ANK3: variants seen among roughly 807,000 people sequenced by gnomAD.
The protein encoded by ANK3 is ankyrin 3.
A neutral mutation model predicts 370.9 loss-of-function variants in ANK3; 57 were observed. The observed-to-expected ratio is 0.15, with a 90% CI of 0.12 to 0.19. ANK3 has a LOEUF of 0.19. Ranked by LOEUF, ANK3 falls within the 10% of genes least tolerant of loss-of-function variation. ANK3 has a pLI of 1.00. For synonymous variants in ANK3, 1,929 were observed against 1,946.3 expected, an observed-to-expected ratio of 0.99 and a Z score of 0.23; for missense variants, 4,439 against 5,302.1, an observed-to-expected ratio of 0.84 and a Z score of 5.06.
At chr10:60,123,428 C>T (rs564102389) in intron 25 of ANK3, among the ~76,000 whole-genome samples, 24 of 152,234 alleles carry the variant, frequency 1.6e-4, no homozygotes, top group African/African-American at 5.8e-4. Flanking sequence ...CAAACAAGGA[C>T]ACACCCAAAT....
intron 2 of ANK3, among the ~76,000 whole-genome samples, chr10:60,540,275 G>A (rs1288189500): frequency 6.6e-6 from 1 of 151,804 alleles, no homozygotes; most frequent in African/African-American, 2.4e-5. Flanking sequence ...TGAGAGCAGA[G>A]AGACACAGAG....
chr10:60,029,760 G>T lies in ANK3; in HGVS notation c.*86C>A, dbSNP rs933687219. ...AGCGAACACACACACACTTCTCGGT[G>T]AATTTTTACTTCCTGCTGACATTTC... On this transcript the variant is annotated 3_prime_UTR_variant, in exon 44 of 44. Transcript: ENST00000280772. The T allele has an allele frequency of 1.3e-5, 2 of 151,666 alleles. No homozygotes were observed. The highest frequency in any genetic ancestry group is 4.9e-5 in the African/African-American group (2 of 41,108). 9.4% of individuals were successfully genotyped at this position (151,666 alleles called of 1,614,324 possible). A position where few individuals can be genotyped will look rare whatever the true frequency, so the allele number is the denominator to read the frequency against.
Position 60,186,345 on chromosome 10 carries a change from G to GTCTCTC in ANK3, c.2085+369_2085+370insGAGAGA, listed in dbSNP as rs9299439. On this transcript the variant is annotated intron_variant, in intron 17 of 43. Coordinates refer to ENST00000280772, the MANE Select transcript of ANK3 (RefSeq NM_020987.5). Reference sequence around the variant, plus strand: ...ATTATTTATTTACCATTATCTTTCTGTCTTTTTTTTTTTTTTTTTTAAAGA... The same window carrying GTCTCTC: ...ATTATTTATTTACCATTATCTTTCTGTCTCTCTCTTTTTTTTTTTTTTTTTTAAAGA... Among the ~76,000 whole-genome samples, 45 of 117,742 alleles carry GTCTCTC rather than the reference G, an allele frequency of 3.8e-4. 1 individual carries two copies. Among genetic ancestry groups the GTCTCTC allele is most frequent in the African/African-American group, 1.5e-3 (42 of 28,578 alleles). The allele number at this position is 117,742 out of a possible 152,430, so 77.2% of individuals were successfully genotyped here.
intron 1 of ANK3, among the ~76,000 whole-genome samples, chr10:60,657,947 G>C (rs2078887486): frequency 6.7e-6 from 1 of 149,222 alleles, no homozygotes; most frequent in South Asian, 2.1e-4. Context: ...TATTTTGACT[G>C]TTTCATTATT....
chr10:60,054,520 G>GA (rs889957602), intron 42 of ANK3, among the ~76,000 whole-genome samples: 10 of 150,476 alleles, frequency 6.6e-5, no homozygotes, highest in South Asian at 2.1e-4. Context: ...TACTTACAGG[G>GA]AAAAAAAAAT....
Position 60,070,621 on chromosome 10 carries a change from C to T in ANK3, c.10260G>A (p.Leu3420=), listed in dbSNP as rs1195041770. ...CTGTCAAGCCATCATCTTCATCTTG[C>T]AGGTCATAGCCATCCAGAGAGTCGA... The part of the protein sequence containing the change: ...TEIDSLDGYD[L]QDEDDGLTES... The change falls in exon 37 of 44, where the codon CTG becomes CTA. Residue 3420 remains leucine (L), a synonymous_variant. Coordinates refer to ENST00000280772, the MANE Select transcript of ANK3 (RefSeq NM_020987.5). This position sits in a 1 kb window ranked among gnomAD's most constrained non-coding sequence, Gnocchi z 5.7. 7 of 1,614,142 alleles carry T rather than the reference C, an allele frequency of 4.3e-6. No individual in the cohort carries two copies. In the South Asian group the frequency reaches 7.7e-5, roughly 18 times the overall value.
At chr10:60,491,243 A>G (rs2075494379) in intron 2 of ANK3, among the ~76,000 whole-genome samples, 1 of 152,124 alleles carries the variant, frequency 6.6e-6, no homozygotes, top group Admixed American at 6.5e-5. Flanking sequence ...ACATTTGTAT[A>G]TTAGTCTTTT....
At chr10:60,264,628 C>T (rs891055571) in intron 5 of ANK3, among the ~76,000 whole-genome samples, 1 of 128,516 alleles carries the variant, frequency 7.8e-6, no homozygotes, top group African/African-American at 2.9e-5. Flanking sequence ...CAGAGCAAGA[C>T]TCTGTCAAAA....
intron 2 of ANK3, among the ~76,000 whole-genome samples, chr10:60,441,171 T>C (rs1286420208): frequency 6.6e-6 from 1 of 152,210 alleles, no homozygotes; most frequent in Admixed American, 6.5e-5. Flanking sequence ...GAGACTATTT[T>C]CTTTATAATA....
chr10:60,427,788 G>A (rs1429376707), intron 2 of ANK3, among the ~76,000 whole-genome samples: 1 of 152,106 alleles, frequency 6.6e-6, no homozygotes, highest in Non-Finnish European at 1.5e-5. Flanking sequence ...GAGAGTCAAA[G>A]CAATTTTCCC....
chr10:60,065,793 A>G (rs953789511), intron 38 of ANK3, among the ~76,000 whole-genome samples: 5 of 152,230 alleles, frequency 3.3e-5, no homozygotes, highest in African/African-American at 1.2e-4. Flanking sequence ...TATTCCATTT[A>G]AAAACAAAAA....
intron 7 of ANK3, among the ~76,000 whole-genome samples, chr10:60,253,591 C>T (rs2097697219): frequency 6.6e-6 from 1 of 152,178 alleles, no homozygotes; most frequent in African/African-American, 2.4e-5. Context: ...ACATGCATCT[C>T]CTCCATTCTG....
intron 18 of ANK3, among the ~76,000 whole-genome samples, chr10:60,176,103 C>T (rs1355520454): frequency 2.0e-5 from 3 of 149,128 alleles, no homozygotes; most frequent in Non-Finnish European, 1.5e-5. Flanking sequence ...GAGGCTGAGG[C>T]GGGCAGATCA....
intron 2 of ANK3, among the ~76,000 whole-genome samples, chr10:60,426,039 G>A (rs1326030436): frequency 6.6e-6 from 1 of 152,068 alleles, no homozygotes; most frequent in African/African-American, 2.4e-5. Flanking sequence ...ACAAACCTTG[G>A]AGATTATCTG....
At chr10:60,201,545 C>G (rs755570159) in intron 12 of ANK3, among the ~76,000 whole-genome samples, 1 of 152,114 alleles carries the variant, frequency 6.6e-6, no homozygotes, top group Non-Finnish European at 1.5e-5. Flanking sequence ...AGTTACCACT[C>G]TGATAGCTAC....
At chr10:60,608,357 A>AAT (rs984836102) in intron 2 of ANK3, among the ~76,000 whole-genome samples, 4 of 152,160 alleles carry the variant, frequency 2.6e-5, no homozygotes, top group Admixed American at 6.5e-5. Flanking sequence ...TGAACCTAAG[A>AAT]ATATATATAT....
intron 1 of ANK3, among the ~76,000 whole-genome samples, chr10:60,728,707 T>C (rs2079977813): frequency 6.6e-6 from 1 of 152,176 alleles, no homozygotes; most frequent in Admixed American, 6.5e-5. Flanking sequence ...AACTAGTTAG[T>C]TGGAGAACGG....
At chr10:60,623,199 G>C (rs1349460318) in intron 1 of ANK3, among the ~76,000 whole-genome samples, 1 of 152,136 alleles carries the variant, frequency 6.6e-6, no homozygotes, top group East Asian at 1.9e-4. Flanking sequence ...AGAGGAATAA[G>C]GTACGATCTT....
At chr10:60,666,832 A>G (rs1342807661) in intron 1 of ANK3, among the ~76,000 whole-genome samples, 1 of 152,128 alleles carries the variant, frequency 6.6e-6, no homozygotes, top group African/African-American at 2.4e-5. Flanking sequence ...CCCATGGCAA[A>G]TCTTATTCAA....
Sources: allele counts gnomAD v4.1 joint callset (sites outside exome capture counted in the v4.1 genomes callset), GRCh38; gene constraint gnomAD v4.1.1; non-coding constraint Gnocchi (gnomAD v3.1); transcripts MANE v1.5; gene names NCBI Gene and HGNC (gene_info 2026-07-23, HGNC 2026-07-21).